Variants in WSCD2 observed in about 807,000 individuals in gnomAD.
WSCD2 encodes WSC domain sialate O sulfotransferase 2.
Under a neutral mutation model 55.7 loss-of-function variants are expected in WSCD2, and 28 were observed. The observed-to-expected ratio is 0.50, with a 90% CI of 0.37 to 0.69. The LOEUF is 0.69. Among genes scored for constraint, WSCD2 ranks in the 30% least tolerant of loss-of-function variants. The pLI, the probability that WSCD2 is intolerant of heterozygous loss-of-function variation, is 0.00. For missense variants in WSCD2, 616 were observed against 762.1 expected (o/e 0.81, Z 2.26); for synonymous variants, 301 against 301.9 (o/e 1.00, Z 0.03).
chr12:108,177,178 ATAT>A lies in WSCD2; in HGVS notation c.-551-18100_-551-18098del, dbSNP rs1421389669. Among the ~76,000 whole-genome samples, 25 of 152,246 alleles carry A rather than the reference ATAT, an allele frequency of 1.6e-4. 1 individual carries two copies. Among genetic ancestry groups the A allele is most frequent in the Admixed American group, 1.2e-3 (18 of 15,300 alleles). On this transcript the variant is annotated intron_variant, in intron 1 of 8. Coordinates refer to ENST00000547525, the MANE Select transcript of WSCD2 (RefSeq NM_014653.4). ...CTTGTATTAGTGTTTCTCACTGGTA[ATAT>A]TATGAGGTATAGAAAATTTAGTATG...
At chr12:108,154,388 T>G (rs1247263351) in intron 1 of WSCD2, among the ~76,000 whole-genome samples, 1 of 152,190 alleles carries the variant, frequency 6.6e-6, no homozygotes, top group Non-Finnish European at 1.5e-5. Flanking sequence ...CCAGCAATTG[T>G]ATGCCTCTGG....
intron 1 of WSCD2, among the ~76,000 whole-genome samples, chr12:108,152,268 G>T (rs1215152326): frequency 7.9e-5 from 12 of 152,216 alleles, no homozygotes; most frequent in Admixed American, 7.9e-4. Context: ...TTTCCCCATT[G>T]GTGGGCTGTG....
chr12:108,168,239 G>A (rs187965343), intron 1 of WSCD2, among the ~76,000 whole-genome samples: 2 of 152,326 alleles, frequency 1.3e-5, no homozygotes, highest in African/African-American at 4.8e-5. Flanking sequence ...AGTAGGGCTC[G>A]TGAGGTCAAG....
At position 108,248,093 on chromosome 12, in the gene WSCD2, T is replaced by A; in HGVS notation, c.1448T>A (p.Leu483Gln). 1 of 1,614,204 alleles carries A rather than the reference T, an allele frequency of 6.2e-7. No homozygotes were observed. The highest frequency in any genetic ancestry group is 8.5e-7 in the Non-Finnish European group (1 of 1,180,046). The change falls in exon 9 of 9, where the codon CTG becomes CAG. Residue 483 changes from leucine (L) to glutamine (Q), a missense_variant. By Grantham distance (113) the Leu-to-Gln change is moderately radical. Around this residue, in one of 3 missense-constraint regions of WSCD2, gnomAD observed 234 missense variants for 264.6 expected, o/e 0.88. Coordinates refer to ENST00000547525, the MANE Select transcript of WSCD2 (RefSeq NM_014653.4). This position sits in a 1 kb window ranked among gnomAD's most constrained non-coding sequence, Gnocchi z 4.3. ...GTGCTGGTGGTGCACTTTGAGGACC[T>A]GAAGCAGGACCTCTTTGTCCAGCTG... Reference protein sequence around the residue: ...KKVLVVHFEDLKQDLFVQLGR... With the variant: ...KKVLVVHFEDQKQDLFVQLGR...
At chr12:108,139,131 C>A (rs1274113986) in intron 1 of WSCD2, among the ~76,000 whole-genome samples, 7 of 152,218 alleles carry the variant, frequency 4.6e-5, no homozygotes, top group Non-Finnish European at 8.8e-5. Flanking sequence ...GAGTCCCAGA[C>A]TGAGAAGAGC....
At chr12:108,158,724 G>A (rs1878770741) in intron 1 of WSCD2, among the ~76,000 whole-genome samples, 1 of 152,108 alleles carries the variant, frequency 6.6e-6, no homozygotes, top group Admixed American at 6.5e-5. Flanking sequence ...CTCCCTGACA[G>A]TACCAACATC....
intron 6 of WSCD2, among the ~76,000 whole-genome samples, chr12:108,227,798 T>C (rs1888297181): frequency 6.6e-6 from 1 of 151,778 alleles, no homozygotes; most frequent in Non-Finnish European, 1.5e-5. Context: ...TGGTGATGAT[T>C]ATGACGATGG....
intron 1 of WSCD2, among the ~76,000 whole-genome samples, chr12:108,155,278 TA>T (rs1369376898): frequency 1.3e-5 from 2 of 152,164 alleles, no homozygotes; most frequent in African/African-American, 4.8e-5. Context: ...GGGGTAGTGT[TA>T]GGGGCATGAT....
At chr12:108,206,224 G>T (rs1275417464) in intron 2 of WSCD2, 65 bp from the exon 3 acceptor site, 4 of 1,370,596 alleles carry the variant, frequency 2.9e-6, no homozygotes, top group Non-Finnish European at 4.2e-6. Context: ...ACATTGGTGA[G>T]GCTTCCTCCT....
chr12:108,233,039 T>C lies in WSCD2; in HGVS notation c.1144+144T>C, dbSNP rs1480865233. ...GGCACACTTTTTGAGACTCACTGCA[T>C]GCTTGGTACCCCCCCACCTTCCTTT... On this transcript the variant is annotated intron_variant, in intron 7 of 8. Coordinates refer to ENST00000547525, the MANE Select transcript of WSCD2 (RefSeq NM_014653.4). 4.5e-6 allele frequency: 5 copies of C among 1,109,972 alleles called. No individual in the cohort carries two copies. The African/African-American group carries it at 7.9e-5, about 17-fold the overall frequency. The allele number at this position is 1,109,972 out of a possible 1,614,324, so 68.8% of individuals were successfully genotyped here.
At chr12:108,157,847 A>G (rs1217163933) in intron 1 of WSCD2, among the ~76,000 whole-genome samples, 1 of 152,150 alleles carries the variant, frequency 6.6e-6, no homozygotes, top group Non-Finnish European at 1.5e-5. Context: ...CTGCAAATAT[A>G]TTCTTGGGGC....
intron 1 of WSCD2, among the ~76,000 whole-genome samples, chr12:108,134,127 G>A (rs1416767526): frequency 3.9e-5 from 6 of 152,206 alleles, no homozygotes; most frequent in African/African-American, 1.4e-4. Context: ...GCAGAACCTT[G>A]AGGTCAGGAG....
At chr12:108,177,188 G>A (rs1376829161) in intron 1 of WSCD2, among the ~76,000 whole-genome samples, 1 of 151,902 alleles carries the variant, frequency 6.6e-6, no homozygotes, top group Non-Finnish European at 1.5e-5. Context: ...ATATTATGAG[G>A]TATAGAAAAT....
At chr12:108,170,675 C>T (rs919595999) in intron 1 of WSCD2, among the ~76,000 whole-genome samples, 3 of 152,222 alleles carry the variant, frequency 2.0e-5, no homozygotes, top group African/African-American at 4.8e-5. Flanking sequence ...GGGTAACACA[C>T]TTAGTCAATG....
chr12:108,140,193 G>A (rs1876641917), intron 1 of WSCD2, among the ~76,000 whole-genome samples: 1 of 152,192 alleles, frequency 6.6e-6, no homozygotes, highest in Non-Finnish European at 1.5e-5. Flanking sequence ...GCCTTGGGCT[G>A]TGAGTTAACC....
At chr12:108,168,881 C>T (rs1879935002) in intron 1 of WSCD2, among the ~76,000 whole-genome samples, 1 of 152,210 alleles carries the variant, frequency 6.6e-6, no homozygotes, top group Non-Finnish European at 1.5e-5. Context: ...AAATCAATGT[C>T]CTAGTTCATC....
rs1318622400 is a variant in WSCD2, at chr12:108,248,283, G to A, written c.1638G>A (p.Val546=). 5.6e-6 allele frequency: 9 copies of A among 1,614,206 alleles called. No homozygotes were observed. Among genetic ancestry groups the A allele is most frequent in the Non-Finnish European group, 6.8e-6 (8 of 1,180,038 alleles). ...QKTISAYIKM[V]DAALKGRNLT... is the part of the protein sequence containing the mutation. ...CCATCTCTGCCTACATCAAGATGGT[G>A]GATGCAGCCCTCAAAGGGCGGAACC... is the stretch of plus-strand genomic sequence containing the variant. The change falls in exon 9 of 9, where the codon GTG becomes GTA. Residue 546 remains valine, a synonymous_variant. Coordinates refer to ENST00000547525, the MANE Select transcript of WSCD2 (RefSeq NM_014653.4). This position sits in a 1 kb window ranked among gnomAD's most constrained non-coding sequence, Gnocchi z 4.3.
rs1327829754 is a variant in WSCD2, at chr12:108,249,053, C to T, written c.*710C>T. ...CACCTCCAGGGCATGAACCCTGCCC[C>T]TTTCTATCCATGCTGTGTCCAGGAG... On this transcript the variant is annotated 3_prime_UTR_variant, in exon 9 of 9. Coordinates refer to ENST00000547525, the MANE Select transcript of WSCD2 (RefSeq NM_014653.4). The T allele has an allele frequency of 1.0e-5, 4 of 387,896 alleles. No individual in the cohort carries two copies. Among genetic ancestry groups the T allele is most frequent in the African/African-American group, 4.4e-5 (2 of 45,656 alleles). The allele number at this position is 387,896 out of a possible 1,614,324, so 24.0% of individuals were successfully genotyped here. A position where few individuals can be genotyped will look rare whatever the true frequency, so the allele number is the denominator to read the frequency against.
chr12:108,225,299 T>A (rs1211846305), intron 5 of WSCD2, among the ~76,000 whole-genome samples: 7 of 152,190 alleles, frequency 4.6e-5, no homozygotes, highest in Non-Finnish European at 8.8e-5. Context: ...GTACAGGAAC[T>A]GCCCTTTTTA....
Sources: gnomAD v4.1 joint callset for allele counts (sites outside exome capture counted in the v4.1 genomes callset) on GRCh38, gnomAD v4.1.1 for gene constraint, gnomAD v4.1.1 regional missense constraint, Gnocchi (gnomAD v3.1) non-coding constraint, MANE v1.5 for transcripts, NCBI Gene and HGNC (gene_info 2026-07-23, HGNC 2026-07-21) for gene names.